Variants in FBXL4 observed in about 807,000 individuals in gnomAD.
FBXL4 encodes F-box/LRR-repeat protein 4.
In FBXL4, 40 loss-of-function variants were observed where a neutral mutation model predicts 58.9. The observed-to-expected ratio is 0.68, with a 90% CI of 0.53 to 0.88. The LOEUF (loss-of-function observed/expected upper bound fraction) is 0.88, where lower values mean the gene tolerates loss of function less well. Ranked by LOEUF, FBXL4 falls within the 40% of genes least tolerant of loss-of-function variation. FBXL4 has a pLI of 0.00. For missense variants in FBXL4, 676 were observed against 734.4 expected, an observed-to-expected ratio of 0.92 and a Z score of 0.92; for synonymous variants, 263 against 265.5, an observed-to-expected ratio of 0.99 and a Z score of 0.09.
intron 5 of FBXL4, among the ~76,000 whole-genome samples, chr6:98,916,544 A>G (rs1772355338): frequency 6.6e-6 from 1 of 152,134 alleles, no homozygotes; most frequent in African/African-American, 2.4e-5. Flanking sequence ...GGAAATCATC[A>G]TTCTCAGTAA....
intron 5 of FBXL4, among the ~76,000 whole-genome samples, chr6:98,908,767 G>C (rs1019803198): frequency 6.6e-6 from 1 of 151,744 alleles, no homozygotes; most frequent in Non-Finnish European, 1.5e-5. Context: ...CTTTCCCAGG[G>C]GAGTTGTCGA....
intron 5 of FBXL4, among the ~76,000 whole-genome samples, chr6:98,913,981 G>A (rs556662829): frequency 6.6e-6 from 1 of 152,176 alleles, no homozygotes; most frequent in South Asian, 2.1e-4. Context: ...TGATAAAGGG[G>A]ATATCACCAC....
chr6:98,926,905 T>G lies in FBXL4; in HGVS notation c.84A>C (p.Arg28Ser). ...CTCTATGGGTGTTCATCATTTCTCC[T>G]CTTGTAGCTGTCCTGGCTCGGCGCC... ...CLRRRARTAT[R>S]GEMMNTHRAI... Residue 28 changes from arginine to serine, a missense_variant, in exon 4 of 10, where the codon AGA (arginine) becomes AGC (serine). By Grantham distance (110) the Arg-to-Ser change is moderately radical. Transcript: ENST00000369244. 6.8e-6 allele frequency: 11 copies of G among 1,614,188 alleles called. No individual in the cohort carries two copies. The highest frequency in any genetic ancestry group is 9.3e-6 in the Non-Finnish European group (11 of 1,180,020).
In FBXL4 at chr6:98,926,770, A is replaced by G. The variant is rs747536886; in HGVS notation, c.219T>C (p.Tyr73=). 7.4e-6 allele frequency: 12 copies of G among 1,614,114 alleles called. No individual in the cohort carries two copies. Among genetic ancestry groups the G allele is most frequent in the Non-Finnish European group, 9.3e-6 (11 of 1,180,046 alleles). The change falls in exon 4 of 10, where the codon TAT becomes TAC. Residue 73 remains tyrosine, a synonymous_variant. Coordinates refer to ENST00000369244, the MANE Select transcript of FBXL4 (RefSeq NM_001278716.2). ...SHYGSENSMS[Y]TMWNLAGVPN... ...GTACACCAGCCAAATTCCACATAGT[A>G]TAGGACATACTATTCTCACTTCCAT...
At chr6:98,880,348 G>C (rs1236661580) in intron 8 of FBXL4, among the ~76,000 whole-genome samples, 3 of 152,106 alleles carry the variant, frequency 2.0e-5, no homozygotes, top group Non-Finnish European at 4.4e-5. Flanking sequence ...TTCTTTCCTT[G>C]CTCTCATGGA....
intron 6 of FBXL4, 85 bp from the exon 7 acceptor site, chr6:98,899,566 A>T (rs973374882): frequency 1.6e-5 from 23 of 1,399,068 alleles, no homozygotes; most frequent in Non-Finnish European, 2.1e-5. Flanking sequence ...CTCTAAGTAG[A>T]TACATTTGAA....
At position 98,869,366 on chromosome 6, in the gene FBXL4, C is replaced by T. The variant is rs1276334812; in HGVS notation, c.*4912G>A. The T allele has an allele frequency of 6.6e-6, 1 of 152,202 alleles. No individual in the cohort carries two copies. The highest frequency in any genetic ancestry group is 2.4e-5 in the African/African-American group (1 of 41,438). The allele number at this position is 152,202 out of a possible 1,614,324, so 9.4% of individuals were successfully genotyped here. On this transcript the variant is annotated 3_prime_UTR_variant, in exon 10 of 10. Transcript: ENST00000369244. The stretch of plus-strand genomic sequence containing the variant: ...ACATACATGGGGCCTGACACAGTGG[C>T]TTATGCCCGTAATCCCAGCACTACA...
intron 6 of FBXL4, among the ~76,000 whole-genome samples, chr6:98,902,562 G>T (rs1027688225): frequency 2.0e-5 from 3 of 151,914 alleles, no homozygotes; most frequent in Non-Finnish European, 4.4e-5. Flanking sequence ...CTCGAATCTA[G>T]AACGCATCCA....
At chr6:98,898,954 T>C (rs922729610) in intron 7 of FBXL4, 4 of 985,314 alleles carry the variant, frequency 4.1e-6, no homozygotes, top group African/African-American at 3.5e-5. Context: ...ATTATCCTCC[T>C]ACCTTTCTCT....
At chr6:98,920,582 G>A (rs1036848298) in intron 4 of FBXL4, among the ~76,000 whole-genome samples, 13 of 151,816 alleles carry the variant, frequency 8.6e-5, no homozygotes, top group Admixed American at 7.2e-4. Context: ...TTAACTATGA[G>A]ACCAATACAA....
At chr6:98,893,568 G>C (rs1414138171) in intron 7 of FBXL4, among the ~76,000 whole-genome samples, 1 of 152,168 alleles carries the variant, frequency 6.6e-6, no homozygotes, top group Admixed American at 6.5e-5. Context: ...TAGGTACTGG[G>C]GGGTAGGACT....
chr6:98,912,300 C>T (rs567313788), intron 5 of FBXL4, among the ~76,000 whole-genome samples: 19 of 152,280 alleles, frequency 1.2e-4, no homozygotes, highest in African/African-American at 4.3e-4. Context: ...GGCAGGCCAA[C>T]ATTCAGATTC....
intron 5 of FBXL4, 44 bp from the exon 6 acceptor site, chr6:98,905,714 G>A: frequency 6.3e-7 from 1 of 1,589,564 alleles, no homozygotes; most frequent in Non-Finnish European, 8.6e-7. Flanking sequence ...GTGAAAAGCA[G>A]TATCATTCTA....
At chr6:98,917,766 T>C (rs748899561) in intron 4 of FBXL4, 47 bp from the exon 5 acceptor site, 36 of 1,412,460 alleles carry the variant, frequency 2.5e-5, no homozygotes, top group Non-Finnish European at 3.0e-5. Flanking sequence ...GAATGAGATC[T>C]ACTGGTCCCT....
At chr6:98,908,249 T>A (rs1562232771) in intron 5 of FBXL4, among the ~76,000 whole-genome samples, 1 of 152,174 alleles carries the variant, frequency 6.6e-6, no homozygotes, top group Non-Finnish European at 1.5e-5. Flanking sequence ...TCCAAATAAA[T>A]GTGTATGAAA....
At chr6:98,915,445 C>G (rs1258032906) in intron 5 of FBXL4, among the ~76,000 whole-genome samples, 1 of 151,946 alleles carries the variant, frequency 6.6e-6, no homozygotes, top group Non-Finnish European at 1.5e-5. Context: ...GTAACCAAAA[C>G]AGCATGGTAC....
intron 1 of FBXL4, among the ~76,000 whole-genome samples, chr6:98,938,404 C>T (rs749151493): frequency 3.3e-5 from 5 of 152,096 alleles, no homozygotes; most frequent in East Asian, 1.9e-4. Context: ...GTGTTAAACT[C>T]GTGGAGTTCT....
chr6:98,896,635 A>T (rs990127459), intron 7 of FBXL4: 1 of 384,588 alleles, frequency 2.6e-6, no homozygotes, highest in Non-Finnish European at 3.6e-6. Flanking sequence ...ACTCAGTTTT[A>T]TAATTTTTTT....
chr6:98,883,865 G>A (rs796674653), intron 7 of FBXL4, among the ~76,000 whole-genome samples: 38 of 151,308 alleles, frequency 2.5e-4, no homozygotes, highest in African/African-American at 8.2e-4. Flanking sequence ...CTTAGCTGCT[G>A]TTGGCCCTTT....
Sources: allele counts gnomAD v4.1 joint callset (sites outside exome capture counted in the v4.1 genomes callset), GRCh38; gene constraint gnomAD v4.1.1; transcripts MANE v1.5; gene names NCBI Gene and HGNC (gene_info 2026-07-23, HGNC 2026-07-21).